The following MROH2B variants were observed in gnomAD, a reference collection of about 807,000 sequenced individuals.
MROH2B encodes maestro heat-like repeat-containing protein family member 2B.
Under a neutral mutation model 208.6 loss-of-function variants are expected in MROH2B, and 177 were observed. The observed-to-expected ratio is 0.85, with a 90% CI of 0.75 to 0.96. The LOEUF (loss-of-function observed/expected upper bound fraction) is 0.96. Among genes scored for constraint, MROH2B ranks in the 40% least tolerant of loss-of-function variants. MROH2B has a pLI of 0.00. For synonymous variants in MROH2B, 728 were observed against 659.0 expected, an observed-to-expected ratio of 1.10 and a Z score of -1.60; for missense variants, 2,002 against 1,878.7, an observed-to-expected ratio of 1.07 and a Z score of -1.21.
At chr5:41,017,622 T>A (rs904035905) in intron 28 of MROH2B, among the ~76,000 whole-genome samples, 2 of 151,574 alleles carry the variant, frequency 1.3e-5, no homozygotes, top group African/African-American at 4.9e-5. Flanking sequence ...ATTAAGGTAT[T>A]AAAACAGAAA....
At chr5:41,052,259 A>G (rs1405448004) in intron 12 of MROH2B, among the ~76,000 whole-genome samples, 1 of 133,156 alleles carries the variant, frequency 7.5e-6, no homozygotes, top group Non-Finnish European at 1.8e-5. Flanking sequence ...AAAATTATCA[A>G]TAAAAGTGAT....
intron 30 of MROH2B, 38 bp from the exon 31 acceptor site, chr5:41,010,117 AT>A (rs762627361): frequency 6.2e-7 from 1 of 1,603,254 alleles, no homozygotes; most frequent in Non-Finnish European, 8.5e-7. Context: ...TTAAGTTGCC[AT>A]TTTCCCTCTA....
At chr5:41,043,226 G>A (rs1743009094) in intron 18 of MROH2B, among the ~76,000 whole-genome samples, 1 of 152,222 alleles carries the variant, frequency 6.6e-6, no homozygotes, top group Non-Finnish European at 1.5e-5. Flanking sequence ...TTAAAAAGAG[G>A]TGGAGCAGTT....
Position 41,070,903 on chromosome 5 carries a change from A to G in MROH2B, c.-51T>C, listed in dbSNP as rs1743969650. On this transcript the variant is annotated 5_prime_UTR_variant, in exon 1 of 42. Transcript: ENST00000399564. ...AAGATAGCACCTAAGTATTAGAAAT[A>G]GTAAGGCTAAAAAATCAAAGAGGCA... The G allele has an allele frequency of 1.3e-6, 2 of 1,586,934 alleles. No homozygotes were observed. Among genetic ancestry groups the G allele is most frequent in the Non-Finnish European group, 1.7e-6 (2 of 1,162,206 alleles).
chr5:41,062,156 C>G (rs865802205), intron 5 of MROH2B, among the ~76,000 whole-genome samples: 1 of 152,036 alleles, frequency 6.6e-6, no homozygotes, highest in Non-Finnish European at 1.5e-5. Flanking sequence ...TACAAGAATG[C>G]GTTCATATTA....
At chr5:41,057,563 C>CTTGTTTTTTTTTTTTTTTT (rs1743498394) in intron 7 of MROH2B, among the ~76,000 whole-genome samples, 1 of 73,252 alleles carries the variant, frequency 1.4e-5, no homozygotes, top group Non-Finnish European at 2.4e-5. Context: ...AATATCCCTC[C>CTTGTTTTTTTTTTTTTTTT]TTTTTTTTTT....
chr5:41,039,207 A>C (rs975806087), intron 20 of MROH2B, among the ~76,000 whole-genome samples: 2 of 152,100 alleles, frequency 1.3e-5, no homozygotes, highest in Admixed American at 1.3e-4. Context: ...TGGTAGAGGG[A>C]CAAACTTAGG....
rs865966152 is a variant in MROH2B, at chr5:41,017,949, C to T, written c.2785G>A (p.Gly929Ser). The T allele has an allele frequency of 3.2e-6, 5 of 1,577,676 alleles. No homozygotes were observed. The highest frequency in any genetic ancestry group is 2.3e-5 in the East Asian group (1 of 43,592). Residue 929 changes from glycine (G) to serine (S), a missense_variant, in exon 28 of 42, where the codon GGT (glycine) becomes AGT (serine). Transcript: ENST00000399564. Reference protein sequence around the residue: ...DIEAPENFKIGSLLGLLAPHS... With the variant: ...DIEAPENFKISSLLGLLAPHS... ...GGAGCCAGAAGTCCAAGCAGTGAAC[C>T]AATTTTAAAGTTCTCTGGTGCCTGC... is the stretch of plus-strand genomic sequence containing the variant.
At chr5:41,009,169 T>C (rs897079220) in intron 32 of MROH2B, 111 bp downstream of exon 32, 1 of 1,410,922 alleles carries the variant, frequency 7.1e-7, no homozygotes, top group Non-Finnish European at 9.7e-7. Context: ...AGTTAGGGTA[T>C]GAGAGAAGAA....
intron 6 of MROH2B, among the ~76,000 whole-genome samples, chr5:41,059,243 GA>G (rs1743563901): frequency 6.6e-6 from 1 of 151,864 alleles, no homozygotes; most frequent in Admixed American, 6.6e-5. Flanking sequence ...ATTCAGTGTG[GA>G]AAATCATCAA....
At chr5:41,018,117 T>A in intron 27 of MROH2B, 147 bp from the exon 28 acceptor site, 1 of 1,199,646 alleles carries the variant, frequency 8.3e-7, no homozygotes, top group Non-Finnish European at 1.1e-6. Flanking sequence ...AAAAGATGCC[T>A]ATTTTTAAGG....
intron 13 of MROH2B, 22 bp downstream of exon 13, chr5:41,050,955 G>C (rs756350746): frequency 6.8e-7 from 1 of 1,468,648 alleles, no homozygotes; most frequent in Non-Finnish European, 9.3e-7. Flanking sequence ...GTAACTGTAA[G>C]TGGTGACAAA....
intron 11 of MROH2B, among the ~76,000 whole-genome samples, chr5:41,054,403 T>C (rs1353570711): frequency 6.6e-6 from 1 of 152,240 alleles, no homozygotes; most frequent in African/African-American, 2.4e-5. Context: ...TAATATTTCC[T>C]GGATGAAGAT....
chr5:41,018,244 G>T, intron 27 of MROH2B, 97 bp downstream of exon 27: 1 of 1,251,640 alleles, frequency 8.0e-7, no homozygotes, highest in Non-Finnish European at 1.1e-6. Flanking sequence ...ACTCTGAGAT[G>T]CACGATCCAT....
intron 28 of MROH2B, 46 bp from the exon 29 acceptor site, chr5:41,015,524 T>A (rs778194067): frequency 1.3e-5 from 21 of 1,567,220 alleles, no homozygotes; most frequent in Non-Finnish European, 1.8e-5. Context: ...AAAGACCTGA[T>A]AGGGGTTGAA....
intron 34 of MROH2B, 56 bp downstream of exon 34, chr5:41,007,258 G>C: frequency 7.3e-7 from 1 of 1,367,442 alleles, no homozygotes; most frequent in Non-Finnish European, 9.5e-7. Flanking sequence ...ACTTTTGTTT[G>C]TTTGTTTGTT....
intron 13 of MROH2B, 52 bp downstream of exon 13, chr5:41,050,925 G>T: frequency 8.6e-7 from 1 of 1,162,308 alleles, no homozygotes; most frequent in Non-Finnish European, 1.2e-6. Flanking sequence ...CACAGGCTGG[G>T]CTTTAAGAAG....
chr5:41,003,455 T>TA (rs970196239), intron 37 of MROH2B, among the ~76,000 whole-genome samples: 4 of 151,724 alleles, frequency 2.6e-5, no homozygotes, highest in Admixed American at 6.6e-5. Flanking sequence ...AGGGCAAAAT[T>TA]AAAAAAAATA....
At chr5:41,034,907 C>A (rs1473611147) in intron 21 of MROH2B, among the ~76,000 whole-genome samples, 1 of 151,874 alleles carries the variant, frequency 6.6e-6, no homozygotes, top group Non-Finnish European at 1.5e-5. Flanking sequence ...CATGAAAGAT[C>A]TTTATGAGAA....
Sources: allele counts gnomAD v4.1 joint callset (sites outside exome capture counted in the v4.1 genomes callset), GRCh38; gene constraint gnomAD v4.1.1; transcripts MANE v1.5; gene names NCBI Gene and HGNC (gene_info 2026-07-23, HGNC 2026-07-21).